CCSER1: variants seen among roughly 807,000 people sequenced by gnomAD.
The protein encoded by CCSER1 is coiled-coil serine rich protein 1.
A neutral mutation model predicts 82.0 loss-of-function variants in CCSER1; 41 were observed. The observed-to-expected ratio is 0.50, with a 90% CI of 0.39 to 0.65. The LOEUF is 0.65. Among genes scored for constraint, CCSER1 ranks in the 30% least tolerant of loss-of-function variants. The probability of loss-of-function intolerance (pLI) is 0.00; values close to 1 mark genes in which losing one functional copy is unlikely to be tolerated. For synonymous variants in CCSER1, 414 were observed against 383.9 expected, an observed-to-expected ratio of 1.08 and a Z score of -0.92; for missense variants, 1,119 against 1,064.2, an observed-to-expected ratio of 1.05 and a Z score of -0.72.
intron 1 of CCSER1, among the ~76,000 whole-genome samples, chr4:90,286,903 C>G (rs1303378662): frequency 6.6e-6 from 1 of 151,948 alleles, no homozygotes; most frequent in East Asian, 1.9e-4. Context: ...TGTTCTTTCT[C>G]TGTCTGCATG....
rs145140412 is a variant in CCSER1 at position 90,902,270 on chromosome 4, T to A, written c.2095-21100T>A. Among the ~76,000 whole-genome samples the A allele has an allele frequency of 2.8e-3, 433 of 152,146 alleles. 3 individuals are homozygous for A. Among genetic ancestry groups the A allele is most frequent in the Non-Finnish European group, 4.6e-3 (315 of 67,984 alleles). ...ACTGAATTTCCTGGAAATACATATTTTGAATTATTCATATGTCATTTTAGA... is the reference window on the plus strand; with the variant it reads ...ACTGAATTTCCTGGAAATACATATTATGAATTATTCATATGTCATTTTAGA... On this transcript the variant is annotated intron_variant, in intron 8 of 10. Transcript: ENST00000509176.
At chr4:90,847,122 T>C (rs1313842789) in intron 8 of CCSER1, among the ~76,000 whole-genome samples, 1 of 152,252 alleles carries the variant, frequency 6.6e-6, no homozygotes, top group Non-Finnish European at 1.5e-5. Context: ...TATTCATTCA[T>C]TCGTTTAATT....
chr4:90,750,061 C>G (rs898401984), intron 7 of CCSER1, among the ~76,000 whole-genome samples: 1 of 151,988 alleles, frequency 6.6e-6, no homozygotes. Flanking sequence ...AGCATTTTTT[C>G]ATGTGTTTTT....
chr4:91,191,361 C>G (rs1194771066), intron 10 of CCSER1, among the ~76,000 whole-genome samples: 1 of 152,158 alleles, frequency 6.6e-6, no homozygotes, highest in African/African-American at 2.4e-5. Context: ...CTGCATCAAG[C>G]TTTCTTCTTT....
At chr4:90,833,727 C>T (rs749329803) in intron 8 of CCSER1, among the ~76,000 whole-genome samples, 3 of 152,146 alleles carry the variant, frequency 2.0e-5, no homozygotes, top group Non-Finnish European at 4.4e-5. Flanking sequence ...AAACCCTTTT[C>T]CTGTGGCTTG....
At chr4:90,433,897 A>T (rs1335553287) in intron 4 of CCSER1, among the ~76,000 whole-genome samples, 1 of 151,822 alleles carries the variant, frequency 6.6e-6, no homozygotes, top group Non-Finnish European at 1.5e-5. Flanking sequence ...TGCAAATTGT[A>T]AGACAAGAGG....
intron 10 of CCSER1, among the ~76,000 whole-genome samples, chr4:91,166,893 A>G (rs1289375035): frequency 6.6e-6 from 1 of 152,144 alleles, no homozygotes; most frequent in Non-Finnish European, 1.5e-5. Flanking sequence ...TGTTTTGAAT[A>G]GTTTTCTGAT....
intron 10 of CCSER1, among the ~76,000 whole-genome samples, chr4:91,344,210 G>A (rs1747904776): frequency 6.6e-6 from 1 of 152,130 alleles, no homozygotes; most frequent in Non-Finnish European, 1.5e-5. Context: ...TCCTCCATGT[G>A]AGAACACATA....
intron 7 of CCSER1, among the ~76,000 whole-genome samples, chr4:90,790,030 C>T (rs1468848498): frequency 6.6e-6 from 1 of 152,130 alleles, no homozygotes; most frequent in African/African-American, 2.4e-5. Context: ...TTATTCTTGA[C>T]TCTCCCTTCT....
chr4:90,657,304 G>A (rs1258060669), intron 6 of CCSER1, among the ~76,000 whole-genome samples: 1 of 151,850 alleles, frequency 6.6e-6, no homozygotes, highest in Non-Finnish European at 1.5e-5. Flanking sequence ...TTTGTTTTTT[G>A]GAAGCTGATG....
chr4:90,462,050 T>C (rs943882196), intron 4 of CCSER1, among the ~76,000 whole-genome samples: 1 of 152,162 alleles, frequency 6.6e-6, no homozygotes, highest in African/African-American at 2.4e-5. Flanking sequence ...ATCTGCTTCT[T>C]TTTTTTCATT....
intron 9 of CCSER1, among the ~76,000 whole-genome samples, chr4:91,015,684 G>T (rs951480095): frequency 6.6e-6 from 1 of 151,368 alleles, no homozygotes; most frequent in Non-Finnish European, 1.5e-5. Context: ...AAACATATTA[G>T]CAATTTGCTA....
chr4:91,434,372 AAAGAAC>A (rs1432401171), intron 10 of CCSER1, among the ~76,000 whole-genome samples: 17 of 152,174 alleles, frequency 1.1e-4, no homozygotes, highest in African/African-American at 4.1e-4. Context: ...TCCAGGTCTA[AAAGAAC>A]ACGTTCAAAG....
At chr4:90,418,878 T>G (rs1431051657) in intron 4 of CCSER1, among the ~76,000 whole-genome samples, 1 of 152,024 alleles carries the variant, frequency 6.6e-6, no homozygotes, top group African/African-American at 2.4e-5. Flanking sequence ...TGTTTCAGGT[T>G]TTGCTTTAGT....
intron 3 of CCSER1, among the ~76,000 whole-genome samples, chr4:90,375,304 C>G (rs1420270999): frequency 3.3e-5 from 5 of 152,162 alleles, no homozygotes; most frequent in African/African-American, 1.2e-4. Flanking sequence ...AATAAAATGT[C>G]TTTGCCCTTT....
intron 5 of CCSER1, among the ~76,000 whole-genome samples, chr4:90,611,309 A>C (rs1430461739): frequency 2.6e-5 from 4 of 151,978 alleles, no homozygotes; most frequent in Non-Finnish European, 1.5e-5. Context: ...GGTTGCAAAC[A>C]CTTTATTCTA....
intron 8 of CCSER1, among the ~76,000 whole-genome samples, chr4:90,826,116 C>T (rs999990112): frequency 6.6e-6 from 1 of 152,136 alleles, no homozygotes; most frequent in Non-Finnish European, 1.5e-5. Flanking sequence ...GAGGAAACTT[C>T]CTTATTATGC....
At chr4:91,340,479 C>G (rs189110182) in intron 10 of CCSER1, among the ~76,000 whole-genome samples, 52 of 152,036 alleles carry the variant, frequency 3.4e-4, no homozygotes, top group Admixed American at 2.0e-4. Context: ...TTTGCTGTAG[C>G]CTTTGAGAAG....
At chr4:91,391,471 T>C (rs1413186215) in intron 10 of CCSER1, among the ~76,000 whole-genome samples, 1 of 152,050 alleles carries the variant, frequency 6.6e-6, no homozygotes, top group East Asian at 1.9e-4. Context: ...TCACTAATTT[T>C]TTATTTTTTT....
Sources: gnomAD v4.1 joint callset for allele counts (sites outside exome capture counted in the v4.1 genomes callset) on GRCh38, gnomAD v4.1.1 for gene constraint, MANE v1.5 for transcripts, NCBI Gene and HGNC (gene_info 2026-07-23, HGNC 2026-07-21) for gene names.